Variants in HSPG2 observed in about 807,000 individuals in gnomAD.
HSPG2 encodes basement membrane-specific heparan sulfate proteoglycan core protein.
Under a neutral mutation model 526.6 loss-of-function variants are expected in HSPG2, and 278 were observed. The ratio of observed to expected loss-of-function variants is 0.53; its 90% CI spans 0.48 to 0.58. The LOEUF is 0.58. Among genes scored for constraint, HSPG2 ranks in the 20% least tolerant of loss-of-function variants. The pLI is 0.00. For missense variants in HSPG2, 5,354 were observed against 6,099.5 expected (o/e 0.88, Z 4.07); for synonymous variants, 2,465 against 2,555.4 (o/e 0.96, Z 1.07).
rs151288507 is a variant in HSPG2, at chr1:21,846,218, G to A, written c.8354C>T (p.Pro2785Leu). 151 of 1,612,862 alleles carry A rather than the reference G, an allele frequency of 9.4e-5. No homozygotes were observed. In the African/African-American group the frequency reaches 1.8e-3, roughly 19 times the overall value. ...GSRLRLHHVS[P>L]ADSGEYVCRV... ...GCACACGTATTCACCCGAGTCGGCC[G>A]GGGACACATGGTGCAGCCGCAGCCG... Residue 2785 changes from proline to leucine, a missense_variant, in exon 64 of 97, where the codon CCG becomes CTG. Transcript: ENST00000374695.
intron 21 of HSPG2, 135 bp from the exon 22 acceptor site, chr1:21,876,787 G>A (rs377541535): frequency 1.5e-5 from 17 of 1,170,054 alleles, no homozygotes; most frequent in African/African-American, 4.6e-5. Flanking sequence ...GGCTGGGCGC[G>A]GTGGCTCACG....
At position 21,839,816 on chromosome 1, in the gene HSPG2, T is replaced by C. The variant is rs2152703809; in HGVS notation, c.9709+6A>G. 1 of 1,613,074 alleles carries C rather than the reference T, an allele frequency of 6.2e-7. No individual in the cohort carries two copies. The highest frequency in any genetic ancestry group is 8.5e-7 in the Non-Finnish European group (1 of 1,179,936). On this transcript the variant is annotated splice_donor_region_variant and intron_variant, in intron 72 of 96. Transcript: ENST00000374695. This position sits in a 1 kb window ranked among gnomAD's most constrained non-coding sequence, Gnocchi z 4.5. ...GCCAGCCCTATGTGCCAGCCCTTGG[T>C]CACACCTGTGGCTGAGCAGCGCAAG... is the stretch of plus-strand genomic sequence containing the variant.
At position 21,890,449 on chromosome 1, in the gene HSPG2, C is replaced by T. The variant is rs759932952; in HGVS notation, c.391G>A (p.Val131Ile). ...SEYLKIPGDQ[V>I]VSVVFIKELD... ...CACTTGATGAACACCACACTGACAA[C>T]CTGGTCTCCGGGAATTTTCAAGTAC... Residue 131 changes from valine (V) to isoleucine (I), a missense_variant, in exon 5 of 97, where the codon GTT (valine) becomes ATT (isoleucine). Physicochemically the swap from Val to Ile is conservative, Grantham distance 29. Transcript: ENST00000374695. The surrounding 1 kb of genome is among the most constrained non-coding windows in gnomAD (Gnocchi z 4.1). The T allele has an allele frequency of 6.2e-7, 1 of 1,614,068 alleles. No individual in the cohort carries two copies. The highest frequency in any genetic ancestry group is 1.1e-5 in the South Asian group (1 of 91,070).
intron 83 of HSPG2, 69 bp from the exon 84 acceptor site, chr1:21,831,393 A>G (rs2098003405): frequency 1.9e-6 from 3 of 1,601,574 alleles, no homozygotes; most frequent in South Asian, 1.1e-5. Context: ...GTGCCCTCCC[A>G]GGCTCTCCAG....
chr1:21,911,263 A>G (rs960311658), intron 1 of HSPG2, among the ~76,000 whole-genome samples: 5 of 152,212 alleles, frequency 3.3e-5, no homozygotes, highest in African/African-American at 4.8e-5. Flanking sequence ...GGGAAGATGT[A>G]CTGGGAGGAG....
chr1:21,862,117 T>C lies in HSPG2; in HGVS notation c.4741-2A>G. 6.2e-7 allele frequency: 1 copy of C among 1,612,300 alleles called. No homozygotes were observed. The highest frequency in any genetic ancestry group is 8.5e-7 in the Non-Finnish European group (1 of 1,180,010). ...CCCTGCGGCGTTGTGCTGGCATTGCTGCAGGGCACAAGGAGGGCAGGCACC... is the reference window on the plus strand; with the variant it reads ...CCCTGCGGCGTTGTGCTGGCATTGCCGCAGGGCACAAGGAGGGCAGGCACC... On this transcript the variant is annotated splice_acceptor_variant, in intron 37 of 96. Coordinates refer to ENST00000374695, the MANE Select transcript of HSPG2 (RefSeq NM_005529.7). LOFTEE classifies it high-confidence loss of function.
Position 21,875,888 on chromosome 1 carries a change from C to T in HSPG2, c.3158G>A (p.Ser1053Asn). 7 of 1,614,100 alleles carry T rather than the reference C, an allele frequency of 4.3e-6. No homozygotes were observed. The highest frequency in any genetic ancestry group is 5.9e-6 in the Non-Finnish European group (7 of 1,180,026). The change falls in exon 24 of 97, where the codon AGC (serine) becomes AAC (asparagine). Residue 1053 changes from serine (S) to asparagine (N), a missense_variant. Transcript: ENST00000374695. ...CTCCCGGAAAGGCACAATGAAGGTG[C>T]TGGGCTGGCCGGGGCTGGGCTCCTG... ...VAQEPSPGQP[S>N]TFIVPFREQA...
In HSPG2 at chr1:21,937,181, G is replaced by A; in HGVS notation, c.37C>T (p.Leu13=). 2 of 1,086,024 alleles carry A rather than the reference G, an allele frequency of 1.8e-6. No homozygotes were observed. The highest frequency in any genetic ancestry group is 2.3e-6 in the Non-Finnish European group (2 of 883,702). 67.3% of individuals were successfully genotyped at this position (1,086,024 alleles called of 1,614,324 possible). ...GCCAGCAGCCGCCCGTGCAGCAGCAGCGCCAGCAGCAGCGCGCCCGCCGCC... is the reference window on the plus strand; with the variant it reads ...GCCAGCAGCCGCCCGTGCAGCAGCAACGCCAGCAGCAGCGCGCCCGCCGCC... ...WRAAGALLLA[L]LLHGRLLAVT... The change falls in exon 1 of 97, where the codon CTG becomes TTG. Residue 13 remains leucine (L), a synonymous_variant. Coordinates refer to ENST00000374695, the MANE Select transcript of HSPG2 (RefSeq NM_005529.7).
At chr1:21,912,837 C>T (rs776508155) in intron 1 of HSPG2, among the ~76,000 whole-genome samples, 2 of 152,052 alleles carry the variant, frequency 1.3e-5, no homozygotes, top group East Asian at 1.9e-4. Context: ...AAAATTAGCA[C>T]AGCATGGTGG....
Position 21,890,544 on chromosome 1 carries a change from C to T in HSPG2, c.354+41G>A. 4 of 1,609,048 alleles carry T rather than the reference C, an allele frequency of 2.5e-6. No homozygotes were observed. The highest frequency in any genetic ancestry group is 3.4e-6 in the Non-Finnish European group (4 of 1,175,474). ...GCCTTCACCCCATCCTCGGTCCTGC[C>T]CCGCCACACCCGCGAGCTTCCCAAA... is the stretch of plus-strand genomic sequence containing the variant. On this transcript the variant is annotated intron_variant, in intron 4 of 96. Transcript: ENST00000374695. The surrounding 1 kb of genome is among the most constrained non-coding windows in gnomAD (Gnocchi z 4.1).
intron 1 of HSPG2, among the ~76,000 whole-genome samples, chr1:21,906,379 A>G (rs1179903984): frequency 6.6e-6 from 1 of 152,244 alleles, no homozygotes; most frequent in Non-Finnish European, 1.5e-5. Context: ...GGGCATCGGC[A>G]ACAGGAAAAA....
chr1:21,884,072 G>A (rs183758564), intron 13 of HSPG2, among the ~76,000 whole-genome samples: 11 of 152,338 alleles, frequency 7.2e-5, no homozygotes, highest in East Asian at 3.9e-4. Flanking sequence ...TGACTGTGAC[G>A]TTAGCAAATA....
Position 21,841,259 on chromosome 1 carries a change from C to T in HSPG2, c.9355G>A (p.Glu3119Lys), listed in dbSNP as rs779581302. 14 of 1,613,770 alleles carry T rather than the reference C, an allele frequency of 8.7e-6. No individual in the cohort carries two copies. Among genetic ancestry groups the T allele is most frequent in the South Asian group, 6.6e-5 (6 of 91,082 alleles). ...HGPPTVSVLP[E>K]GPVWVKVGKA... ...CCCACTTTCACCCACACGGGGCCCT[C>T]GGGGAGCACGGACACTGTAGGGGGC... Residue 3119 changes from glutamate to lysine, a missense_variant, in exon 71 of 97, where the codon GAG becomes AAG. Physicochemically the swap from Glu to Lys is moderately conservative, Grantham distance 56. Transcript: ENST00000374695.
At chr1:21,917,383 T>A (rs1313859935) in intron 1 of HSPG2, among the ~76,000 whole-genome samples, 1 of 151,694 alleles carries the variant, frequency 6.6e-6, no homozygotes, top group African/African-American at 2.4e-5. Context: ...CAGTGGGCCA[T>A]GATCGTGCCA....
rs751991509 is a variant in HSPG2 at position 21,823,443 on chromosome 1, G to A, written c.13049C>T (p.Ser4350Leu). ...GTTCTTGACACAGCCTGTGATGCCT[G>A]AGGAGAATCTGCCCCCGGTCAGCGT... ...VATLTGGRFS[S>L]GITGCVKNLV... Residue 4350 changes from serine (S) to leucine (L), a missense_variant, in exon 97 of 97, where the codon TCA becomes TTA. By Grantham distance (145) the Ser-to-Leu change is moderately radical. Transcript: ENST00000374695. 8 of 1,592,706 alleles carry A rather than the reference G, an allele frequency of 5.0e-6. No individual in the cohort carries two copies. Among genetic ancestry groups the A allele is most frequent in the South Asian group, 4.5e-5 (4 of 89,510 alleles).
At position 21,835,388 on chromosome 1, in the gene HSPG2, ATG is replaced by A. The variant is rs201120852; in HGVS notation, c.10453+150_10453+151del. 11,647 of 691,578 alleles carry A rather than the reference ATG, an allele frequency of 0.017. 134 individuals are homozygous for A. Among genetic ancestry groups the A allele is most frequent in the Non-Finnish European group, 0.025 (9,429 of 379,910 alleles). The allele number at this position is 691,578 out of a possible 1,614,324, so 42.8% of individuals were successfully genotyped here. On this transcript the variant is annotated intron_variant, in intron 76 of 96. Coordinates refer to ENST00000374695, the MANE Select transcript of HSPG2 (RefSeq NM_005529.7). The stretch of plus-strand genomic sequence containing the variant: ...ATATGTATCAAGCCCCTTTTACTCT[ATG>A]CTAGACACAAGCAAGGCAAAATGGA...
intron 91 of HSPG2, 68 bp downstream of exon 91, chr1:21,827,795 G>A (rs938916574): frequency 6.7e-7 from 1 of 1,483,084 alleles, no homozygotes; most frequent in Non-Finnish European, 9.2e-7. Context: ...GGCCAGAATT[G>A]AGGGTGTGGG....
At chr1:21,888,925 G>A (rs1297193283) in intron 6 of HSPG2, among the ~76,000 whole-genome samples, 1 of 152,144 alleles carries the variant, frequency 6.6e-6, no homozygotes, top group Non-Finnish European at 1.5e-5. Context: ...AAGGGTTTTT[G>A]TTTGTTTGTC....
Position 21,863,108 on chromosome 1 carries a change from C to T in HSPG2, c.4740+992G>A, listed in dbSNP as rs538028855. Among the ~76,000 whole-genome samples the T allele has an allele frequency of 9.2e-3, 1,207 of 131,812 alleles. 5 individuals are homozygous for T. The highest frequency in any genetic ancestry group is 0.014 in the Non-Finnish European group (912 of 63,978). 86.5% of individuals were successfully genotyped at this position (131,812 alleles called of 152,430 possible). On this transcript the variant is annotated intron_variant, in intron 37 of 96. Coordinates refer to ENST00000374695, the MANE Select transcript of HSPG2 (RefSeq NM_005529.7). ...AAAAAAGAGGCTGGGTGTGGTGGCT[C>T]ACACCTGTAATCCCAGCACTTTGGG...
Sources: allele counts gnomAD v4.1 joint callset (sites outside exome capture counted in the v4.1 genomes callset), GRCh38; gene constraint gnomAD v4.1.1; non-coding constraint Gnocchi (gnomAD v3.1); transcripts MANE v1.5; gene names NCBI Gene and HGNC (gene_info 2026-07-23, HGNC 2026-07-21).